Variants in KANSL3 observed in about 807,000 individuals in gnomAD.
The protein encoded by KANSL3 is NSL complex protein NSL3.
In KANSL3, 16 loss-of-function variants were observed where a neutral mutation model predicts 89.2. The ratio of observed to expected loss-of-function variants is 0.18; its 90% CI spans 0.12 to 0.27. The LOEUF (loss-of-function observed/expected upper bound fraction) is 0.27. KANSL3 is among the 10% of genes least tolerant of loss of function. The probability of loss-of-function intolerance (pLI) is 1.00; values close to 1 mark genes in which losing one functional copy is unlikely to be tolerated. For synonymous variants in KANSL3, 385 were observed against 419.7 expected, an observed-to-expected ratio of 0.92 and a Z score of 1.01; for missense variants, 879 against 1,110.6, an observed-to-expected ratio of 0.79 and a Z score of 2.96.
chr2:96,636,783 T>G lies in KANSL3; in HGVS notation c.215+138A>C, dbSNP rs1021358577. ...ACATTCAAGCCTGCTATCCTTATGC[T>G]GCTTAAGAGATGCCTGAATTTAACA... On this transcript the variant is annotated intron_variant, in intron 2 of 20. Transcript: ENST00000431828. The G allele has an allele frequency of 4.3e-6, 3 of 705,674 alleles. No homozygotes were observed. In the African/African-American group the frequency reaches 5.4e-5, roughly 13 times the overall value. The allele number at this position is 705,674 out of a possible 1,614,324, so 43.7% of individuals were successfully genotyped here.
chr2:96,619,605 C>A (rs2070864755), intron 4 of KANSL3, 61 bp from the exon 5 acceptor site: 2 of 1,605,300 alleles, frequency 1.2e-6, no homozygotes, highest in Admixed American at 3.4e-5. Flanking sequence ...AGCAGGGGGA[C>A]AAGTCAGTCA....
rs1161618241 is a variant in KANSL3 at position 96,604,628 on chromosome 2, C to T, written c.2018+151G>A. 3 of 825,758 alleles carry T rather than the reference C, an allele frequency of 3.6e-6. No homozygotes were observed. In the African/African-American group the frequency reaches 5.2e-5, roughly 14 times the overall value. 51.2% of individuals were successfully genotyped at this position (825,758 alleles called of 1,614,324 possible). A position where few individuals can be genotyped will look rare whatever the true frequency, so the allele number is the denominator to read the frequency against. ...AGTAAAAGTGAACTCTGGGTTGACT[C>T]AAAAGCAAGACAAAGATCCCAATCA... is the stretch of plus-strand genomic sequence containing the variant. On this transcript the variant is annotated intron_variant, in intron 16 of 20. Transcript: ENST00000431828.
chr2:96,625,414 T>C (rs749300172), intron 3 of KANSL3, among the ~76,000 whole-genome samples: 11 of 152,376 alleles, frequency 7.2e-5, no homozygotes, highest in South Asian at 2.1e-4. Flanking sequence ...TCAAAGCCTA[T>C]TGATCACGTT....
intron 20 of KANSL3, among the ~76,000 whole-genome samples, chr2:96,597,542 T>C (rs1463521330): frequency 6.6e-6 from 1 of 152,216 alleles, no homozygotes; most frequent in Non-Finnish European, 1.5e-5. Context: ...ATCCCCTTGC[T>C]TGTTGGAAAA....
In KANSL3 at chr2:96,608,504, A is replaced by G. The variant is rs762850892; in HGVS notation, c.1741+4T>C. ...AAGAGGAGCCACTGGCCAAGTGCCT[A>G]TACCTTGAGCTTGTTTGTGGGTCAG... On this transcript the variant is annotated splice_donor_region_variant and intron_variant, in intron 14 of 20. Coordinates refer to ENST00000431828, the MANE Select transcript of KANSL3 (RefSeq NM_001115016.3). The G allele has an allele frequency of 6.2e-7, 1 of 1,613,978 alleles. No individual in the cohort carries two copies.
At chr2:96,631,017 CAG>C (rs2073291608) in intron 3 of KANSL3, among the ~76,000 whole-genome samples, 1 of 152,202 alleles carries the variant, frequency 6.6e-6, no homozygotes, top group Admixed American at 6.5e-5. Flanking sequence ...GAAGCTACTA[CAG>C]AGCTAGTCAT....
chr2:96,635,866 C>T (rs760018962), intron 2 of KANSL3, among the ~76,000 whole-genome samples: 2 of 152,012 alleles, frequency 1.3e-5, no homozygotes, highest in Non-Finnish European at 2.9e-5. Flanking sequence ...CAGTGGCACA[C>T]GCCGGTAGTC....
At chr2:96,629,997 T>C (rs2073098704) in intron 3 of KANSL3, among the ~76,000 whole-genome samples, 1 of 152,148 alleles carries the variant, frequency 6.6e-6, no homozygotes, top group Non-Finnish European at 1.5e-5. Context: ...ATGGTTATAA[T>C]TTTTTTAAAA....
the KANSL3 span, among the ~76,000 whole-genome samples, chr2:96,584,189 T>C: frequency 1.3e-5 from 2 of 152,194 alleles, no homozygotes; most frequent in African/African-American, 4.8e-5. Flanking sequence ...AGAGACGCTC[T>C]TGCACAGGCT....
chr2:96,614,625 G>T (rs1411063731), intron 5 of KANSL3, among the ~76,000 whole-genome samples: 1 of 151,898 alleles, frequency 6.6e-6, no homozygotes, highest in Non-Finnish European at 1.5e-5. Context: ...ACAAAAATTA[G>T]CCAGGTGTGG....
chr2:96,582,226 C>T, the KANSL3 span, among the ~76,000 whole-genome samples: 41 of 152,058 alleles, frequency 2.7e-4, no homozygotes, highest in Non-Finnish European at 4.9e-4. Context: ...GGTGAAACCC[C>T]GTCTCCACTA....
chr2:96,614,124 C>T (rs776836578), intron 5 of KANSL3, among the ~76,000 whole-genome samples: 1 of 152,204 alleles, frequency 6.6e-6, no homozygotes, highest in East Asian at 1.9e-4. Context: ...CAAAGTCTCG[C>T]TCTGTCGCCC....
Position 96,631,454 on chromosome 2 carries a change from T to C in KANSL3, c.244A>G (p.Thr82Ala). The change falls in exon 3 of 21, where the codon ACG (threonine) becomes GCG (alanine). Residue 82 changes from threonine (T) to alanine (A), a missense_variant. By Grantham distance (58) the Thr-to-Ala change is moderately conservative. Transcript: ENST00000431828. The stretch of plus-strand genomic sequence containing the variant: ...AGTGGCATAGGCGTTGATGTGACCG[T>C]CTCCACATCTATTGGGACGTCTGAT... ...IESDVPIDVETVTSTPMPLYD... is the reference protein window; with the variant it reads ...IESDVPIDVEAVTSTPMPLYD... The C allele has an allele frequency of 1.3e-6, 2 of 1,580,588 alleles. No individual in the cohort carries two copies. Among genetic ancestry groups the C allele is most frequent in the Non-Finnish European group, 1.7e-6 (2 of 1,162,488 alleles).
In KANSL3 at chr2:96,612,556, G is replaced by A; in HGVS notation, c.920C>T (p.Pro307Leu). Residue 307 changes from proline to leucine, a missense_variant, in exon 8 of 21, where the codon CCT becomes CTT. This residue lies in a region of KANSL3 where 198 missense variants were observed against 260.3 expected (regional missense o/e 0.76). Coordinates refer to ENST00000431828, the MANE Select transcript of KANSL3 (RefSeq NM_001115016.3). The stretch of plus-strand genomic sequence containing the variant: ...ATTGTTCAGCAGATGGGTGGCTACA[G>A]GGATGACCTGAAGGAAAGAAGTAGC... ...SQLSCLGKVIPVATHLLNNGS... is the reference protein window; with the variant it reads ...SQLSCLGKVILVATHLLNNGS... 1.2e-6 allele frequency: 2 copies of A among 1,613,160 alleles called. No homozygotes were observed. The highest frequency in any genetic ancestry group is 1.7e-6 in the Non-Finnish European group (2 of 1,179,216).
At chr2:96,595,926 C>T (rs1246050587) in intron 20 of KANSL3, among the ~76,000 whole-genome samples, 2 of 152,110 alleles carry the variant, frequency 1.3e-5, no homozygotes, top group African/African-American at 2.4e-5. Context: ...TCCAGGGTCA[C>T]CGTAAGGATT....
intron 20 of KANSL3, among the ~76,000 whole-genome samples, chr2:96,599,418 T>C (rs2066876388): frequency 6.6e-6 from 1 of 152,236 alleles, no homozygotes; most frequent in Admixed American, 6.5e-5. Flanking sequence ...TGGTACATTG[T>C]ATGTTATATA....
intron 3 of KANSL3, among the ~76,000 whole-genome samples, chr2:96,627,461 C>T (rs779426815): frequency 2.1e-4 from 32 of 152,230 alleles, no homozygotes; most frequent in East Asian, 5.8e-4. Context: ...ATTATCTTCC[C>T]GCCTCAGCCT....
At chr2:96,620,129 T>C (rs1275956965) in intron 3 of KANSL3, among the ~76,000 whole-genome samples, 1 of 152,220 alleles carries the variant, frequency 6.6e-6, no homozygotes, top group Non-Finnish European at 1.5e-5. Context: ...ACAGACGACA[T>C]ATTTGAATTT....
chr2:96,634,409 G>A (rs1417997783), intron 2 of KANSL3, among the ~76,000 whole-genome samples: 1 of 152,074 alleles, frequency 6.6e-6, no homozygotes, highest in Admixed American at 6.5e-5. Context: ...CCAGCTACTT[G>A]GGAGGCTGAG....
Sources: gnomAD v4.1 joint callset for allele counts (sites outside exome capture counted in the v4.1 genomes callset) on GRCh38, gnomAD v4.1.1 for gene constraint, gnomAD v4.1.1 regional missense constraint, MANE v1.5 for transcripts, NCBI Gene and HGNC (gene_info 2026-07-23, HGNC 2026-07-21) for gene names.